Variants in ZNF710 observed in about 807,000 individuals in gnomAD.
ZNF710 encodes the protein zinc finger protein 710.
ZNF710 carries 13 observed loss-of-function variants against 50.6 expected under a neutral mutation model. The observed-to-expected ratio is 0.26, with a 90% CI of 0.17 to 0.41. The LOEUF (loss-of-function observed/expected upper bound fraction) is 0.41. Among genes scored for constraint, ZNF710 ranks in the 10% least tolerant of loss-of-function variants. The pLI, the probability that ZNF710 is intolerant of heterozygous loss-of-function variation, is 1.00. For missense variants in ZNF710, 721 were observed against 936.6 expected, an observed-to-expected ratio of 0.77 and a Z score of 3.01; for synonymous variants, 383 against 397.0, an observed-to-expected ratio of 0.96 and a Z score of 0.42.
At chr15:90,006,368 T>C (rs1384366959) in intron 1 of ZNF710, among the ~76,000 whole-genome samples, 1 of 152,206 alleles carries the variant, frequency 6.6e-6, no homozygotes, top group African/African-American at 2.4e-5. Flanking sequence ...GTTTGCCACA[T>C]GTGTAAACAT....
At chr15:90,045,305 A>T in intron 1 of ZNF710, 4 of 985,038 alleles carry the variant, frequency 4.1e-6, no homozygotes, top group Non-Finnish European at 4.8e-6. Context: ...GAGCCTGGTC[A>T]ACTGGAACAG....
At chr15:90,058,701 TTATATA>T (rs34907426) in intron 1 of ZNF710, among the ~76,000 whole-genome samples, 8 of 143,554 alleles carry the variant, frequency 5.6e-5, no homozygotes, top group African/African-American at 8.0e-5. Flanking sequence ...CACTATATAT[TTATATA>T]TATATATATA....
At position 90,040,309 on chromosome 15, in the gene ZNF710, C is replaced by G. The variant is rs1193547621; in HGVS notation, c.-28-26801C>G. 6.6e-6 allele frequency among the ~76,000 whole-genome samples: 1 copy of G among 152,216 alleles called. No individual in the cohort carries two copies. Among genetic ancestry groups the G allele is most frequent in the Non-Finnish European group, 1.5e-5 (1 of 68,030 alleles). ...ACAGCAGAAACCCTGGTACCCAGATCCCCCAGTCTCCAGGGAGGTGTCCTT... is the reference window on the plus strand; with the variant it reads ...ACAGCAGAAACCCTGGTACCCAGATGCCCCAGTCTCCAGGGAGGTGTCCTT... On this transcript the variant is annotated intron_variant, in intron 1 of 4. Coordinates refer to ENST00000268154, the MANE Select transcript of ZNF710 (RefSeq NM_198526.4). The surrounding 1 kb of genome is among the most constrained non-coding windows in gnomAD (Gnocchi z 4.6).
chr15:90,074,047 G>A, intron 3 of ZNF710, 69 bp from the exon 4 acceptor site: 5 of 1,522,264 alleles, frequency 3.3e-6, no homozygotes, highest in Middle Eastern at 3.6e-4. Flanking sequence ...CCATAGAGGT[G>A]GGAGTGGGCT....
intron 1 of ZNF710, among the ~76,000 whole-genome samples, chr15:90,035,920 G>A (rs992608701): frequency 6.6e-6 from 1 of 152,226 alleles, no homozygotes; most frequent in African/African-American, 2.4e-5. Context: ...GCCCCAGGCA[G>A]TGGCACCATT....
chr15:90,000,438 G>C (rs1897983972), upstream of ZNF710, among the ~76,000 whole-genome samples: 1 of 152,068 alleles, frequency 6.6e-6, no homozygotes, highest in Non-Finnish European at 1.5e-5. Context: ...CGGCCGCGCT[G>C]CCAGCGACCA....
intron 4 of ZNF710, among the ~76,000 whole-genome samples, chr15:90,078,864 A>G (rs1900654111): frequency 6.6e-6 from 1 of 152,212 alleles, no homozygotes; most frequent in Non-Finnish European, 1.5e-5. Context: ...GGCCAGCCAC[A>G]GCCCCTGCCA....
Position 90,001,426 on chromosome 15 carries a change from G to T in ZNF710, c.-217G>T, listed in dbSNP as rs1010202188. 2.0e-5 allele frequency: 3 copies of T among 152,160 alleles called. No individual in the cohort carries two copies. The highest frequency in any genetic ancestry group is 4.4e-5 in the Non-Finnish European group (3 of 68,056). The allele number at this position is 152,160 out of a possible 1,614,324, so 9.4% of individuals were successfully genotyped here. ...GGAGAGAGCGCGAGCGAGAGAGCGA[G>T]CGAGAGGAGGGGGGAGAGAGAGAAA... On this transcript the variant is annotated 5_prime_UTR_variant, in exon 1 of 5. Coordinates refer to ENST00000268154, the MANE Select transcript of ZNF710 (RefSeq NM_198526.4).
In ZNF710 at chr15:90,054,025, C is replaced by T. The variant is rs148746167; in HGVS notation, c.-28-13085C>T. Among the ~76,000 whole-genome samples the T allele has an allele frequency of 1.8e-3, 268 of 152,250 alleles. 2 individuals are homozygous for T. The highest frequency in any genetic ancestry group is 6.2e-3 in the African/African-American group (258 of 41,548). On this transcript the variant is annotated intron_variant, in intron 1 of 4. Coordinates refer to ENST00000268154, the MANE Select transcript of ZNF710 (RefSeq NM_198526.4). ...GATGGAATGGGGTTTCTTTTTCCCT[C>T]CTTTCTTCCTTCTTTTCTTTTTTAT...
chr15:90,054,243 C>T (rs1046500477), intron 1 of ZNF710, among the ~76,000 whole-genome samples: 5 of 151,602 alleles, frequency 3.3e-5, no homozygotes, highest in African/African-American at 4.8e-5. Flanking sequence ...AGTGGCAGAG[C>T]GGAGGATGGG....
At chr15:90,031,849 G>A (rs986361952) in intron 1 of ZNF710, among the ~76,000 whole-genome samples, 1 of 152,140 alleles carries the variant, frequency 6.6e-6, no homozygotes, top group Non-Finnish European at 1.5e-5. Context: ...GTGTTGTTAC[G>A]GCCAGCTTGG....
intron 4 of ZNF710, among the ~76,000 whole-genome samples, chr15:90,077,554 T>G (rs1397492610): frequency 6.6e-6 from 1 of 152,122 alleles, no homozygotes; most frequent in Non-Finnish European, 1.5e-5. Context: ...CCCAAGGTGC[T>G]TTATTTAGCT....
intron 1 of ZNF710, among the ~76,000 whole-genome samples, chr15:90,050,305 G>T (rs1899599603): frequency 6.6e-6 from 1 of 152,192 alleles, no homozygotes; most frequent in East Asian, 1.9e-4. Flanking sequence ...TCATAACACT[G>T]CCATGAGAAC....
intron 1 of ZNF710, among the ~76,000 whole-genome samples, chr15:90,020,887 G>A (rs1898597092): frequency 6.6e-6 from 1 of 152,112 alleles, no homozygotes; most frequent in Non-Finnish European, 1.5e-5. Flanking sequence ...GATGAAACTT[G>A]TCACTTTGCT....
At chr15:90,073,409 G>T (rs1002701657) in intron 3 of ZNF710, 147 bp downstream of exon 3, 57 of 965,098 alleles carry the variant, frequency 5.9e-5, no homozygotes, top group Non-Finnish European at 8.5e-5. Flanking sequence ...CCTGGGCTTT[G>T]GGGGTTGGGA....
chr15:90,045,552 G>C (rs1008086010), intron 1 of ZNF710, among the ~76,000 whole-genome samples: 4 of 152,150 alleles, frequency 2.6e-5, no homozygotes, highest in African/African-American at 9.7e-5. Context: ...GGAGGCCAGG[G>C]AGTGGTGGTG....
chr15:90,002,298 G>A (rs2151452923), intron 1 of ZNF710, among the ~76,000 whole-genome samples: 1 of 151,548 alleles, frequency 6.6e-6, no homozygotes, highest in East Asian at 2.0e-4. Context: ...GCCGCCGCAC[G>A]CTGGGCGCCG....
chr15:90,053,301 A>T (rs1025643411), intron 1 of ZNF710, among the ~76,000 whole-genome samples: 7 of 151,538 alleles, frequency 4.6e-5, no homozygotes, highest in Non-Finnish European at 1.0e-4. Flanking sequence ...CTGAAGAGGC[A>T]GCATGGGGTG....
intron 1 of ZNF710, among the ~76,000 whole-genome samples, chr15:90,061,834 G>A (rs76206978): frequency 0.048 from 7,353 of 152,278 alleles, 587 homozygotes; most frequent in African/African-American, 0.17. Context: ...TACAGATCAG[G>A]AAATGGAGAC....
Sources: allele counts gnomAD v4.1 joint callset (sites outside exome capture counted in the v4.1 genomes callset), GRCh38; gene constraint gnomAD v4.1.1; non-coding constraint Gnocchi (gnomAD v3.1); transcripts MANE v1.5; gene names NCBI Gene and HGNC (gene_info 2026-07-23, HGNC 2026-07-21).